Variants in ANKRD44 observed in about 807,000 individuals in gnomAD.
The protein encoded by ANKRD44 is serine/threonine-protein phosphatase 6 regulatory ankyrin repeat subunit B.
In ANKRD44, 35 loss-of-function variants were observed where a neutral mutation model predicts 116.0. That is an observed-to-expected ratio of 0.30 (90% CI 0.23 to 0.40). ANKRD44 has a LOEUF of 0.40. Among genes scored for constraint, ANKRD44 ranks in the 10% least tolerant of loss-of-function variants. ANKRD44 has a pLI of 1.00. For synonymous variants in ANKRD44, 435 were observed against 461.8 expected, an observed-to-expected ratio of 0.94 and a Z score of 0.74; for missense variants, 1,014 against 1,242.6, an observed-to-expected ratio of 0.82 and a Z score of 2.77.
chr2:197,057,075 T>A (rs775548351), intron 16 of ANKRD44, among the ~76,000 whole-genome samples: 23 of 152,210 alleles, frequency 1.5e-4, no homozygotes, highest in Non-Finnish European at 3.2e-4. Flanking sequence ...TTTGTCTTGT[T>A]CCTACTATAA....
intron 1 of ANKRD44, among the ~76,000 whole-genome samples, chr2:197,265,232 CTTTTTTTT>C (rs112311831): frequency 6.7e-5 from 4 of 59,548 alleles, no homozygotes; most frequent in Non-Finnish European, 1.0e-4. Flanking sequence ...CACTTTTTTT[CTTTTTTTT>C]TTTTTTTGGT....
intron 17 of ANKRD44, among the ~76,000 whole-genome samples, chr2:197,022,800 A>G (rs2076522619): frequency 6.6e-6 from 1 of 152,164 alleles, no homozygotes; most frequent in African/African-American, 2.4e-5. Context: ...GGAGTTTGAG[A>G]CCAGCCTGGG....
chr2:197,044,380 T>C (rs539037469), intron 16 of ANKRD44, among the ~76,000 whole-genome samples: 1 of 152,312 alleles, frequency 6.6e-6, no homozygotes, highest in South Asian at 2.1e-4. Flanking sequence ...TTTTTTGTTG[T>C]TGTTGAGATG....
chr2:197,252,702 T>G (rs1416729605), intron 1 of ANKRD44, among the ~76,000 whole-genome samples: 1 of 152,210 alleles, frequency 6.6e-6, no homozygotes, highest in Non-Finnish European at 1.5e-5. Context: ...TTTTTAAATA[T>G]TCCCCCAAGT....
intron 1 of ANKRD44, among the ~76,000 whole-genome samples, chr2:197,197,103 C>T (rs1033628288): frequency 6.6e-6 from 1 of 152,160 alleles, no homozygotes; most frequent in Non-Finnish European, 1.5e-5. Context: ...CCTACTCCCT[C>T]CCCAGCCAGA....
At chr2:197,034,827 T>C (rs572619420) in intron 16 of ANKRD44, among the ~76,000 whole-genome samples, 94 of 152,074 alleles carry the variant, frequency 6.2e-4, no homozygotes, top group African/African-American at 2.0e-3. Flanking sequence ...CTGAAGAGAA[T>C]ATGGAGAGAA....
intron 25 of ANKRD44, among the ~76,000 whole-genome samples, chr2:196,997,621 G>T (rs537777992): frequency 6.6e-6 from 1 of 151,692 alleles, no homozygotes; most frequent in South Asian, 2.1e-4. Context: ...GGGTAATTTT[G>T]TATTTTTAGT....
chr2:197,121,993 C>T (rs1285614170), intron 7 of ANKRD44, among the ~76,000 whole-genome samples: 3 of 151,994 alleles, frequency 2.0e-5, no homozygotes, highest in African/African-American at 2.4e-5. Context: ...ACATGGAAGG[C>T]GGGTCAGAAT....
Position 196,968,557 on chromosome 2 carries a change from G to T in ANKRD44, c.2369-1111C>A, listed in dbSNP as rs113601706. Among the ~76,000 whole-genome samples the T allele has an allele frequency of 4.5e-3, 682 of 152,276 alleles. 7 individuals carry two copies. The highest frequency in any genetic ancestry group is 0.014 in the African/African-American group (600 of 41,560). On this transcript the variant is annotated intron_variant, in intron 21 of 21. Coordinates refer to the ANKRD44 transcript ENST00000424317. Reference sequence around the variant, plus strand: ...GTGGGAGGAGGAGGATCAGAAAGGAGGATGATGCACAGCCTGACCCAGTGT... The same window carrying T: ...GTGGGAGGAGGAGGATCAGAAAGGATGATGATGCACAGCCTGACCCAGTGT...
chr2:197,150,749 A>G (rs750739812), intron 2 of ANKRD44, among the ~76,000 whole-genome samples: 3 of 152,212 alleles, frequency 2.0e-5, no homozygotes, highest in Non-Finnish European at 4.4e-5. Flanking sequence ...CCGCAGGCAC[A>G]TGAACTTAGA....
intron 27 of ANKRD44, chr2:196,990,635 TTCCTCCAACACAGGTGATCAAAGAAAA>T: frequency 8.1e-7 from 1 of 1,231,976 alleles, no homozygotes; most frequent in South Asian, 4.1e-5. Flanking sequence ...CTTCTTTCCT[TTCCTCCAACACAGGTGATCAAAGAAAA>T]GCTTCTACAG....
In ANKRD44 at chr2:197,260,653, T is replaced by G. The variant is rs577700774; in HGVS notation, c.27+49925A>C. Among the ~76,000 whole-genome samples the G allele has an allele frequency of 5.3e-5, 8 of 152,098 alleles. No homozygotes were observed. The South Asian group carries it at 1.0e-3, about 20-fold the overall frequency. On this transcript the variant is annotated intron_variant, in intron 1 of 27. Coordinates refer to ENST00000282272, the MANE Select transcript of ANKRD44 (RefSeq NM_001195144.2). ...TCTAGTTCTAGATCCCTGAGGAATCTCCACACTGACTTCCACAACGGTTGA... is the reference window on the plus strand; with the variant it reads ...TCTAGTTCTAGATCCCTGAGGAATCGCCACACTGACTTCCACAACGGTTGA...
intron 1 of ANKRD44, among the ~76,000 whole-genome samples, chr2:197,284,503 AACACACACACACACACACACACAC>A (rs10547024): frequency 7.3e-6 from 1 of 137,784 alleles, no homozygotes; most frequent in Non-Finnish European, 1.6e-5. Context: ...CAGAGAGTCA[AACACACACACACACACACACACAC>A]ACACACACAC....
At chr2:197,191,835 AAAATTCC>A (rs770779323) in intron 1 of ANKRD44, among the ~76,000 whole-genome samples, 4 of 152,208 alleles carry the variant, frequency 2.6e-5, no homozygotes, top group African/African-American at 4.8e-5. Flanking sequence ...CCAAACACAA[AAAATTCC>A]TATTGATCCC....
At chr2:197,259,488 C>T (rs1443279222) in intron 1 of ANKRD44, among the ~76,000 whole-genome samples, 1 of 152,214 alleles carries the variant, frequency 6.6e-6, no homozygotes, top group Admixed American at 6.5e-5. Flanking sequence ...GTCTAGCCCA[C>T]CATGATTTCC....
chr2:197,306,749 C>G (rs561440400), intron 1 of ANKRD44, among the ~76,000 whole-genome samples: 9 of 152,168 alleles, frequency 5.9e-5, no homozygotes, highest in Non-Finnish European at 1.2e-4. Context: ...GATTTCTAGT[C>G]TCTTGCCACT....
intron 9 of ANKRD44, among the ~76,000 whole-genome samples, chr2:197,110,533 G>A (rs192250239): frequency 6.6e-5 from 10 of 152,276 alleles, no homozygotes; most frequent in Non-Finnish European, 1.5e-4. Flanking sequence ...CTCATGCTCT[G>A]TGCCTGACTC....
At position 197,278,484 on chromosome 2, in the gene ANKRD44, G is replaced by A. The variant is rs574190989; in HGVS notation, c.27+32094C>T. Among the ~76,000 whole-genome samples, 135 of 152,078 alleles carry A rather than the reference G, an allele frequency of 8.9e-4. 1 individual carries two copies. Among genetic ancestry groups the A allele is most frequent in the Non-Finnish European group, 1.5e-3 (104 of 68,014 alleles). On this transcript the variant is annotated intron_variant, in intron 1 of 27. Coordinates refer to ENST00000282272, the MANE Select transcript of ANKRD44 (RefSeq NM_001195144.2). Reference sequence around the variant, plus strand: ...CAATTCTCCTGCCTCAGCCTCCCGAGTAGCTGGGACTACAGGCACGCACCA... The same window carrying A: ...CAATTCTCCTGCCTCAGCCTCCCGAATAGCTGGGACTACAGGCACGCACCA...
At chr2:197,025,064 C>A in intron 17 of ANKRD44, 132 bp downstream of exon 17, 5 of 825,018 alleles carry the variant, frequency 6.1e-6, no homozygotes, top group Middle Eastern at 2.4e-4. Flanking sequence ...ACAGCCTGTG[C>A]CTTTTACCAC....
Sources: allele counts gnomAD v4.1 joint callset (sites outside exome capture counted in the v4.1 genomes callset), GRCh38; gene constraint gnomAD v4.1.1; transcripts MANE v1.5; gene names NCBI Gene and HGNC (gene_info 2026-07-23, HGNC 2026-07-21).